The following GTF2I variants were observed in gnomAD, a reference collection of about 807,000 sequenced individuals.
GTF2I encodes the protein general transcription factor II-I.
A neutral mutation model predicts 67.6 loss-of-function variants in GTF2I; 12 were observed. The ratio of observed to expected loss-of-function variants is 0.18; its 90% confidence interval spans 0.11 to 0.29. The LOEUF is 0.29. Among genes scored for constraint, GTF2I ranks in the 10% least tolerant of loss-of-function variants. The pLI is 1.00. For missense variants in GTF2I, 271 were observed against 580.1 expected (o/e 0.47, Z 5.47); for synonymous variants, 149 against 197.0 (o/e 0.76, Z 2.04).
chr7:74,693,441 C>CAT (rs587618425), intron 3 of GTF2I, among the ~76,000 whole-genome samples: 126 of 152,000 alleles, frequency 8.3e-4, no homozygotes, highest in Non-Finnish European at 1.2e-3. Flanking sequence ...CGAACGCACA[C>CAT]ATATAATATG....
At chr7:74,694,119 A>G (rs1788643188) in intron 3 of GTF2I, among the ~76,000 whole-genome samples, 1 of 152,206 alleles carries the variant, frequency 6.6e-6, no homozygotes, top group Admixed American at 6.5e-5. Context: ...GCTGATAGGA[A>G]GAAAGTTTGA....
intron 8 of GTF2I, 50 bp downstream of exon 8, chr7:74,706,483 C>T (rs782317768): frequency 6.6e-6 from 9 of 1,369,810 alleles, no homozygotes; most frequent in African/African-American, 1.4e-5. Context: ...GAAGACTTTT[C>T]CTTAGTGTAG....
chr7:74,694,150 A>T (rs1220354973), intron 3 of GTF2I, among the ~76,000 whole-genome samples: 2 of 152,238 alleles, frequency 1.3e-5, no homozygotes, highest in Non-Finnish European at 2.9e-5. Flanking sequence ...TAGAAGATCA[A>T]ACCAGCCACA....
intron 1 of GTF2I, among the ~76,000 whole-genome samples, chr7:74,664,446 T>C (rs1243367256): frequency 6.6e-6 from 1 of 152,134 alleles, no homozygotes; most frequent in Non-Finnish European, 1.5e-5. Flanking sequence ...CTGTTTTTGT[T>C]TTTTTGAGAA....
chr7:74,685,774 GAAA>G (rs1175593855), intron 1 of GTF2I, among the ~76,000 whole-genome samples: 2 of 147,192 alleles, frequency 1.4e-5, no homozygotes. Context: ...CTTAAAAAAA[GAAA>G]AAAAAAAGTC....
chr7:74,689,208 T>A lies in GTF2I; in HGVS notation c.80T>A (p.Met27Lys). The A allele has an allele frequency of 6.2e-7, 1 of 1,606,538 alleles. No homozygotes were observed. Among genetic ancestry groups the A allele is most frequent in the African/African-American group, 1.3e-5 (1 of 74,880 alleles). ...SESRMVVTFL[M>K]SALESMCKEL... ...AGCAGGATGGTGGTGACATTCCTCATGTCAGCTCTCGAGTCCATGGTGAGG... is the reference window on the plus strand; with the variant it reads ...AGCAGGATGGTGGTGACATTCCTCAAGTCAGCTCTCGAGTCCATGGTGAGG... The change falls in exon 2 of 35, where the codon ATG (methionine) becomes AAG (lysine). Residue 27 changes from methionine (M) to lysine (K), a missense_variant. Physicochemically the swap from Met to Lys is moderately conservative, Grantham distance 95 (BLOSUM62 -1). Around this residue, in one of 9 missense-constraint regions of GTF2I, gnomAD observed 10 missense variants for 44.0 expected, o/e 0.23. Coordinates refer to ENST00000573035, the MANE Select transcript of GTF2I (RefSeq NM_032999.4).
intron 16 of GTF2I, among the ~76,000 whole-genome samples, chr7:74,734,509 G>A (rs782132659): frequency 1.3e-5 from 2 of 151,978 alleles, no homozygotes; most frequent in Admixed American, 6.6e-5. Context: ...GCAACCTCCC[G>A]CCTCCTGGGT....
intron 1 of GTF2I, among the ~76,000 whole-genome samples, chr7:74,687,021 C>T (rs1433312897): frequency 1.3e-5 from 2 of 151,576 alleles, no homozygotes; most frequent in African/African-American, 4.9e-5. Flanking sequence ...TCCTGAGTGA[C>T]TGGAATTACA....
At chr7:74,690,487 G>T (rs1040655698) in intron 2 of GTF2I, among the ~76,000 whole-genome samples, 3 of 152,160 alleles carry the variant, frequency 2.0e-5, no homozygotes, top group African/African-American at 7.2e-5. Context: ...ACTTCTGGAG[G>T]TGGGGATTAT....
At chr7:74,708,257 C>G (rs965358273) in intron 8 of GTF2I, among the ~76,000 whole-genome samples, 1 of 152,140 alleles carries the variant, frequency 6.6e-6, no homozygotes, top group African/African-American at 2.4e-5. Flanking sequence ...GAGTCAAGAT[C>G]GTGCCATTGC....
At chr7:74,729,677 C>CT (rs1316729906) in intron 13 of GTF2I, among the ~76,000 whole-genome samples, 2 of 124,804 alleles carry the variant, frequency 1.6e-5, no homozygotes, top group Non-Finnish European at 3.4e-5. Context: ...GGGATTTCAC[C>CT]ATGTTGGCCA....
At chr7:74,748,564 G>C (rs1238286365) in intron 24 of GTF2I, among the ~76,000 whole-genome samples, 2 of 151,818 alleles carry the variant, frequency 1.3e-5, no homozygotes, top group African/African-American at 4.8e-5. Flanking sequence ...GATGGGAGTA[G>C]TTGTCAAGTC....
intron 3 of GTF2I, among the ~76,000 whole-genome samples, chr7:74,697,347 A>G (rs1383862446): frequency 6.6e-6 from 1 of 152,118 alleles, no homozygotes; most frequent in Non-Finnish European, 1.5e-5. Flanking sequence ...GTGAGCCACG[A>G]TCGTGCCACT....
At chr7:74,660,651 C>G (rs1480027197) in intron 1 of GTF2I, among the ~76,000 whole-genome samples, 1 of 117,060 alleles carries the variant, frequency 8.5e-6, no homozygotes, top group Non-Finnish European at 1.7e-5. Context: ...AGCGGAGTTT[C>G]GCTCTCGTTG....
At chr7:74,717,102 A>C in intron 11 of GTF2I, 152 bp downstream of exon 11, 1 of 1,073,904 alleles carries the variant, frequency 9.3e-7, no homozygotes, top group East Asian at 2.7e-5. Flanking sequence ...TTTTTTTAAA[A>C]ATTCTAAGAT....
At chr7:74,685,906 AGCTGCGCGTGGTG>A (rs1290574404) in intron 1 of GTF2I, among the ~76,000 whole-genome samples, 17 of 151,866 alleles carry the variant, frequency 1.1e-4, no homozygotes, top group African/African-American at 4.1e-4. Context: ...CACAAAAATT[AGCTGCGCGTGGTG>A]GCGGGCGCCT....
intron 11 of GTF2I, chr7:74,717,203 C>CTT: frequency 5.5e-5 from 16 of 293,102 alleles, no homozygotes; most frequent in Non-Finnish European, 8.6e-5. Flanking sequence ...CAAAATGCTA[C>CTT]TTTTTTTTTT....
At chr7:74,672,019 A>G (rs1191930062) in intron 1 of GTF2I, among the ~76,000 whole-genome samples, 2 of 152,042 alleles carry the variant, frequency 1.3e-5, no homozygotes, top group Non-Finnish European at 2.9e-5. Context: ...TTAAAAATCA[A>G]TCCTGATCAA....
At chr7:74,730,770 A>G (rs113986061) in intron 14 of GTF2I, among the ~76,000 whole-genome samples, 34 of 114,904 alleles carry the variant, frequency 3.0e-4, no homozygotes, top group Admixed American at 5.1e-4. Flanking sequence ...GCAGTAGTAC[A>G]ATCTCGGCTC....
Sources: gnomAD v4.1 joint callset for allele counts (sites outside exome capture counted in the v4.1 genomes callset) on GRCh38, gnomAD v4.1.1 for gene constraint, gnomAD v4.1.1 regional missense constraint, MANE v1.5 for transcripts, NCBI Gene and HGNC (gene_info 2026-07-23, HGNC 2026-07-21) for gene names.